ADAMTS3: variants seen among roughly 807,000 people sequenced by gnomAD.
ADAMTS3 encodes ADAM metallopeptidase with thrombospondin type 1 motif 3, also known as A disintegrin and metalloproteinase with thrombospondin motifs 3.
ADAMTS3 carries 73 observed loss-of-function variants against 129.0 expected under a neutral mutation model. The observed-to-expected ratio is 0.57, with a 90% CI of 0.47 to 0.69. The LOEUF (loss-of-function observed/expected upper bound fraction) is 0.69. Among genes scored for constraint, ADAMTS3 ranks in the 30% least tolerant of loss-of-function variants. ADAMTS3 has a pLI of 0.00. For missense variants in ADAMTS3, 1,457 were observed against 1,514.5 expected (o/e 0.96, Z 0.63); for synonymous variants, 477 against 510.8 (o/e 0.93, Z 0.89).
chr4:72,302,993 G>A (rs764577941), intron 17 of ADAMTS3, among the ~76,000 whole-genome samples: 2 of 152,038 alleles, frequency 1.3e-5, no homozygotes, highest in Non-Finnish European at 2.9e-5. Flanking sequence ...TGTTTTTAAC[G>A]CTGCCCAAAT....
chr4:72,449,105 T>A (rs1718328327), intron 3 of ADAMTS3, among the ~76,000 whole-genome samples: 1 of 151,718 alleles, frequency 6.6e-6, no homozygotes, highest in Admixed American at 6.6e-5. Context: ...TCTCTGCACT[T>A]GTCATAAAAG....
At chr4:72,306,712 T>C (rs144397493) in intron 15 of ADAMTS3, among the ~76,000 whole-genome samples, 1 of 151,954 alleles carries the variant, frequency 6.6e-6, no homozygotes, top group Admixed American at 6.6e-5. Context: ...AGTTGGAAAA[T>C]GTGTGCAAGA....
chr4:72,359,524 T>C (rs1720665326), intron 4 of ADAMTS3, among the ~76,000 whole-genome samples: 1 of 152,012 alleles, frequency 6.6e-6, no homozygotes, highest in African/African-American at 2.4e-5. Context: ...ATAGTGAAAA[T>C]GTAGTATGGG....
chr4:72,311,932 G>T (rs574409107), intron 13 of ADAMTS3, among the ~76,000 whole-genome samples: 279 of 152,072 alleles, frequency 1.8e-3, no homozygotes, highest in Non-Finnish European at 2.7e-3. Context: ...AATTTTCAAA[G>T]AACTATATTT....
At chr4:72,354,099 C>A (rs1720514650) in intron 4 of ADAMTS3, among the ~76,000 whole-genome samples, 1 of 152,030 alleles carries the variant, frequency 6.6e-6, no homozygotes, top group African/African-American at 2.4e-5. Context: ...ACTGGACAAA[C>A]ATTTATTGAG....
intron 3 of ADAMTS3, among the ~76,000 whole-genome samples, chr4:72,498,955 G>C (rs1450953397): frequency 2.0e-5 from 3 of 151,972 alleles, no homozygotes; most frequent in African/African-American, 7.2e-5. Flanking sequence ...ACCTATAACA[G>C]GGTTGTCAAG....
chr4:72,297,365 T>C (rs1057192263), intron 18 of ADAMTS3, among the ~76,000 whole-genome samples: 16 of 152,142 alleles, frequency 1.1e-4, no homozygotes, highest in East Asian at 5.8e-4. Flanking sequence ...TAAAGAGATG[T>C]CATTTAAAAT....
intron 3 of ADAMTS3, among the ~76,000 whole-genome samples, chr4:72,473,740 G>C (rs1427279583): frequency 6.6e-6 from 1 of 152,126 alleles, no homozygotes; most frequent in Non-Finnish European, 1.5e-5. Flanking sequence ...CTAGTACACT[G>C]TGTACTATCA....
At chr4:72,406,381 C>T (rs1045100606) in intron 4 of ADAMTS3, among the ~76,000 whole-genome samples, 7 of 152,114 alleles carry the variant, frequency 4.6e-5, no homozygotes, top group East Asian at 1.9e-4. Context: ...TGTAAGATAA[C>T]GGAACTACTT....
At chr4:72,470,337 T>A (rs1719034622) in intron 3 of ADAMTS3, among the ~76,000 whole-genome samples, 1 of 141,202 alleles carries the variant, frequency 7.1e-6, no homozygotes, top group Non-Finnish European at 1.5e-5. Context: ...ATTACTCAAG[T>A]CATTTTCTGA....
intron 3 of ADAMTS3, among the ~76,000 whole-genome samples, chr4:72,482,886 G>A (rs1369786607): frequency 2.0e-5 from 3 of 151,984 alleles, no homozygotes; most frequent in African/African-American, 2.4e-5. Context: ...CATACTAACA[G>A]GCTAAAAATA....
chr4:72,448,926 A>G (rs1718323019), intron 3 of ADAMTS3, among the ~76,000 whole-genome samples: 1 of 151,678 alleles, frequency 6.6e-6, no homozygotes, highest in Non-Finnish European at 1.5e-5. Context: ...TCAAATTAGT[A>G]CCTAAGTTTG....
At chr4:72,464,083 TACC>T (rs2109986858) in intron 3 of ADAMTS3, among the ~76,000 whole-genome samples, 1 of 152,170 alleles carries the variant, frequency 6.6e-6, no homozygotes, top group South Asian at 2.1e-4. Flanking sequence ...GTTCAAACAC[TACC>T]ACCTTTCACG....
intron 3 of ADAMTS3, among the ~76,000 whole-genome samples, chr4:72,507,640 T>C (rs532438801): frequency 7.9e-5 from 12 of 152,320 alleles, no homozygotes; most frequent in Non-Finnish European, 1.5e-4. Flanking sequence ...GAGAGACACA[T>C]TTTGAGAACA....
In ADAMTS3 at chr4:72,505,467, T is replaced by C. The variant is rs558137311; in HGVS notation, c.504+43011A>G. Among the ~76,000 whole-genome samples the C allele has an allele frequency of 2.2e-4, 33 of 152,304 alleles. No individual in the cohort carries two copies. The South Asian group carries it at 6.6e-3, about 31-fold the overall frequency. ...CCAATAAGGCAGGGTATATGCTTGA[T>C]CCTTGTTTACTGGTAAAAGCTGTCT... On this transcript the variant is annotated intron_variant, in intron 3 of 21. Transcript: ENST00000286657.
intron 4 of ADAMTS3, among the ~76,000 whole-genome samples, chr4:72,361,800 C>T (rs1182181314): frequency 6.6e-6 from 1 of 152,008 alleles, no homozygotes; most frequent in Non-Finnish European, 1.5e-5. Context: ...TCATCTTATG[C>T]TTGGTATAAT....
At chr4:72,416,033 G>C (rs938918226) in intron 3 of ADAMTS3, among the ~76,000 whole-genome samples, 3 of 151,626 alleles carry the variant, frequency 2.0e-5, no homozygotes, top group Non-Finnish European at 4.4e-5. Context: ...GAGGTCACTG[G>C]CTCTCATGTA....
At chr4:72,425,595 T>C (rs1402046078) in intron 3 of ADAMTS3, among the ~76,000 whole-genome samples, 1 of 152,228 alleles carries the variant, frequency 6.6e-6, no homozygotes, top group African/African-American at 2.4e-5. Context: ...TTTGGTTTTT[T>C]GTCTTTGCAA....
chr4:72,522,738 C>T (rs1198386402), intron 3 of ADAMTS3, among the ~76,000 whole-genome samples: 1 of 151,896 alleles, frequency 6.6e-6, no homozygotes, highest in Admixed American at 6.6e-5. Context: ...ATAATCATAA[C>T]CAACAAAAAA....
Sources: allele counts gnomAD v4.1 joint callset (sites outside exome capture counted in the v4.1 genomes callset), GRCh38; gene constraint gnomAD v4.1.1; transcripts MANE v1.5; gene names NCBI Gene and HGNC (gene_info 2026-07-23, HGNC 2026-07-21).